Variants in CDKAL1 observed in about 807,000 individuals in gnomAD.
The protein encoded by CDKAL1 is threonylcarbamoyladenosine tRNA methylthiotransferase.
Under a neutral mutation model 68.2 loss-of-function variants are expected in CDKAL1, and 32 were observed. The ratio of observed to expected loss-of-function variants is 0.47; its 90% confidence interval spans 0.35 to 0.63. CDKAL1 has a LOEUF of 0.63. Ranked by LOEUF, CDKAL1 falls within the 30% of genes least tolerant of loss-of-function variation. CDKAL1 has a pLI of 0.00. For missense variants in CDKAL1, 606 were observed against 696.7 expected (o/e 0.87, Z 1.47); for synonymous variants, 234 against 244.3 (o/e 0.96, Z 0.39).
At chr6:21,108,310 T>G in intron 12 of CDKAL1, 91 bp from the exon 13 acceptor site, 1 of 741,454 alleles carries the variant, frequency 1.3e-6, no homozygotes, top group Non-Finnish European at 2.2e-6. Context: ...TTTATGTATG[T>G]AGAGATATAT....
At chr6:21,191,809 G>A (rs1259452759) in intron 13 of CDKAL1, among the ~76,000 whole-genome samples, 3 of 150,322 alleles carry the variant, frequency 2.0e-5, no homozygotes, top group African/African-American at 7.3e-5. Context: ...TTTTCAACAA[G>A]GCCTAGAAAA....
chr6:20,762,373 C>A (rs1021522797), intron 7 of CDKAL1, among the ~76,000 whole-genome samples: 19 of 152,158 alleles, frequency 1.2e-4, no homozygotes, highest in African/African-American at 4.6e-4. Context: ...CATAATGCAA[C>A]AGGAGAATTT....
chr6:20,648,290 C>T (rs894934204), intron 4 of CDKAL1, among the ~76,000 whole-genome samples: 17 of 151,670 alleles, frequency 1.1e-4, no homozygotes, highest in Non-Finnish European at 2.4e-4. Flanking sequence ...CCACCACACC[C>T]GGCTAATTTT....
chr6:21,189,206 C>T (rs16884616), intron 13 of CDKAL1, among the ~76,000 whole-genome samples: 56,597 of 151,960 alleles, frequency 0.37, 10,664 homozygotes, highest in Admixed American at 0.42. Flanking sequence ...AGAACTGCCT[C>T]GGGCCTGGTC....
At chr6:21,010,091 C>A (rs986098036) in intron 11 of CDKAL1, among the ~76,000 whole-genome samples, 1 of 152,140 alleles carries the variant, frequency 6.6e-6, no homozygotes, top group African/African-American at 2.4e-5. Context: ...TATCAAAATA[C>A]CACATATACC....
intron 15 of CDKAL1, among the ~76,000 whole-genome samples, chr6:21,205,989 C>T (rs534842601): frequency 6.7e-6 from 1 of 149,536 alleles, no homozygotes; most frequent in Non-Finnish European, 1.5e-5. Context: ...CACCCGCCAC[C>T]GCGCCCGGCT....
chr6:21,041,973 C>T (rs1769958526), intron 11 of CDKAL1, among the ~76,000 whole-genome samples: 1 of 151,844 alleles, frequency 6.6e-6, no homozygotes, highest in Non-Finnish European at 1.5e-5. Context: ...GGGACATATT[C>T]TAAGGGTAGA....
At position 20,548,585 on chromosome 6, in the gene CDKAL1, C is replaced by A; in HGVS notation, c.174-8C>A. The stretch of plus-strand genomic sequence containing the variant: ...CTTACTTTTTTTTTTTTATTGATTC[C>A]TTAACAGCACTATTCCAGGCATACA... On this transcript the variant is annotated splice_polypyrimidine_tract_variant and splice_region_variant and intron_variant, in intron 3 of 15. Coordinates refer to ENST00000274695, the MANE Select transcript of CDKAL1 (RefSeq NM_017774.3). The A allele has an allele frequency of 1.7e-6, 2 of 1,211,402 alleles. No homozygotes were observed. Among genetic ancestry groups the A allele is most frequent in the Non-Finnish European group, 2.4e-6 (2 of 833,604 alleles). 75.0% of individuals were successfully genotyped at this position (1,211,402 alleles called of 1,614,324 possible).
chr6:21,003,286 A>T (rs189389774), intron 11 of CDKAL1, among the ~76,000 whole-genome samples: 167 of 145,116 alleles, frequency 1.2e-3, no homozygotes, highest in African/African-American at 3.8e-3. Flanking sequence ...TGGGTGGATC[A>T]CCTGAGGTCA....
At chr6:20,767,877 A>G (rs1774769265) in intron 7 of CDKAL1, among the ~76,000 whole-genome samples, 1 of 152,174 alleles carries the variant, frequency 6.6e-6, no homozygotes, top group South Asian at 2.1e-4. Context: ...AATTTCACTT[A>G]TTAATTTGAG....
At chr6:20,846,959 A>G (rs1036156444) in intron 9 of CDKAL1, among the ~76,000 whole-genome samples, 1 of 152,192 alleles carries the variant, frequency 6.6e-6, no homozygotes, top group African/African-American at 2.4e-5. Context: ...AGTTATTGGC[A>G]ATGTACTTTT....
intron 11 of CDKAL1, among the ~76,000 whole-genome samples, chr6:21,063,440 A>G (rs1771252237): frequency 6.6e-6 from 1 of 152,236 alleles, no homozygotes; most frequent in South Asian, 2.1e-4. Flanking sequence ...CCTATCAAAA[A>G]CAAAGGCAGC....
chr6:21,029,220 T>C (rs1227872151), intron 11 of CDKAL1, among the ~76,000 whole-genome samples: 2 of 152,058 alleles, frequency 1.3e-5, no homozygotes, highest in Non-Finnish European at 2.9e-5. Flanking sequence ...GCTAATTTTT[T>C]ATTTTATTTT....
At chr6:20,844,828 A>G (rs949805498) in intron 8 of CDKAL1, among the ~76,000 whole-genome samples, 3 of 152,210 alleles carry the variant, frequency 2.0e-5, no homozygotes, top group East Asian at 3.8e-4. Flanking sequence ...TCCCCTTGTT[A>G]TAGAAAGGGC....
At chr6:21,145,654 C>A (rs902414889) in intron 13 of CDKAL1, among the ~76,000 whole-genome samples, 3 of 152,194 alleles carry the variant, frequency 2.0e-5, no homozygotes, top group Non-Finnish European at 4.4e-5. Context: ...TCACTTTAAC[C>A]ACTTCACAGT....
intron 9 of CDKAL1, among the ~76,000 whole-genome samples, chr6:20,850,884 T>C (rs1460401022): frequency 6.6e-6 from 1 of 152,224 alleles, no homozygotes; most frequent in Non-Finnish European, 1.5e-5. Context: ...AAAAATATGC[T>C]GACTATGCAT....
chr6:21,147,734 C>T (rs574869356), intron 13 of CDKAL1, among the ~76,000 whole-genome samples: 22 of 152,268 alleles, frequency 1.4e-4, no homozygotes, highest in East Asian at 3.9e-4. Context: ...GTTTTTACTA[C>T]CTTATGAAGC....
intron 5 of CDKAL1, among the ~76,000 whole-genome samples, chr6:20,719,686 A>G (rs1772255019): frequency 6.6e-6 from 1 of 152,222 alleles, no homozygotes; most frequent in African/African-American, 2.4e-5. Context: ...ACAGAAATGT[A>G]TAGTTTAGCG....
intron 13 of CDKAL1, among the ~76,000 whole-genome samples, chr6:21,170,193 T>C (rs1777323503): frequency 6.6e-6 from 1 of 152,214 alleles, no homozygotes; most frequent in Non-Finnish European, 1.5e-5. Flanking sequence ...ACTGGGACCA[T>C]ATTTTACTGT....
Sources: allele counts gnomAD v4.1 joint callset (sites outside exome capture counted in the v4.1 genomes callset), GRCh38; gene constraint gnomAD v4.1.1; transcripts MANE v1.5; gene names NCBI Gene and HGNC (gene_info 2026-07-23, HGNC 2026-07-21).